Variants in SRGAP2 observed in about 807,000 individuals in gnomAD.
The protein encoded by SRGAP2 is SLIT-ROBO Rho GTPase-activating protein 2.
Under a neutral mutation model 57.2 loss-of-function variants are expected in SRGAP2, and 15 were observed. The observed-to-expected ratio is 0.26, with a 90% CI of 0.18 to 0.40. The LOEUF is 0.40. Among genes scored for constraint, SRGAP2 ranks in the 10% least tolerant of loss-of-function variants. The pLI is 1.00. For missense variants in SRGAP2, 520 were observed against 669.6 expected (o/e 0.78, Z 2.47); for synonymous variants, 249 against 248.0 (o/e 1.00, Z -0.04).
At chr1:206,306,849 C>T (rs1672237595) in intron 3 of SRGAP2, among the ~76,000 whole-genome samples, 1 of 151,962 alleles carries the variant, frequency 6.6e-6, no homozygotes, top group Non-Finnish European at 1.5e-5. Flanking sequence ...GTTTACAAAC[C>T]TTGAGCTAGA....
intron 4 of SRGAP2, among the ~76,000 whole-genome samples, chr1:206,372,931 CTT>C (rs1234710948): frequency 1.3e-4 from 1 of 7,528 alleles, no homozygotes. Context: ...TTCTTTCTTT[CTT>C]TCTTTCTTTC....
intron 21 of SRGAP2, chr1:206,458,254 A>G (rs1449782190): frequency 4.4e-6 from 2 of 450,274 alleles, no homozygotes; most frequent in Non-Finnish European, 8.8e-6. Context: ...TGATGGTGAG[A>G]CTTCTTCTCC....
intron 19 of SRGAP2, among the ~76,000 whole-genome samples, chr1:206,452,755 A>C (rs1452326488): frequency 2.0e-5 from 3 of 151,972 alleles, no homozygotes; most frequent in African/African-American, 7.3e-5. Flanking sequence ...GCGTGGTGGC[A>C]CACGTCTGTA....
chr1:206,436,854 A>G (rs1211812967), intron 14 of SRGAP2, 111 bp from the exon 15 acceptor site: 3 of 739,872 alleles, frequency 4.1e-6, no homozygotes, highest in African/African-American at 1.7e-5. Flanking sequence ...GAAGAGAGAC[A>G]GCGTGCTTAA....
chr1:206,402,265 C>G (rs1658262664), intron 8 of SRGAP2, among the ~76,000 whole-genome samples: 1 of 151,896 alleles, frequency 6.6e-6, no homozygotes, highest in East Asian at 1.9e-4. Flanking sequence ...AGATGCTATC[C>G]CAAAGGCCTG....
intron 2 of SRGAP2, among the ~76,000 whole-genome samples, chr1:206,239,975 A>T (rs1668109931): frequency 6.6e-6 from 1 of 151,576 alleles, no homozygotes; most frequent in Non-Finnish European, 1.5e-5. Flanking sequence ...CTTAAAAAGA[A>T]AGACATTGGG....
intron 2 of SRGAP2, among the ~76,000 whole-genome samples, chr1:206,296,317 G>T (rs1437164000): frequency 6.6e-6 from 1 of 150,392 alleles, no homozygotes; most frequent in Admixed American, 6.6e-5. Flanking sequence ...GAGGGCAGGG[G>T]TGGGATCAGT....
In SRGAP2 at chr1:206,221,196, T is replaced by C. The variant is rs1181816879; in HGVS notation, c.67+15159T>C. ...ACCTCATGATCCGCCTGCCTCAGCCTCCCAAAGTGCTGGGATTATAGGCAT... is the reference window on the plus strand; with the variant it reads ...ACCTCATGATCCGCCTGCCTCAGCCCCCCAAAGTGCTGGGATTATAGGCAT... On this transcript the variant is annotated intron_variant, in intron 2 of 22. Coordinates refer to ENST00000573034, the MANE Select transcript of SRGAP2 (RefSeq NM_015326.5). Among the ~76,000 whole-genome samples, 3 of 149,036 alleles carry C rather than the reference T, an allele frequency of 2.0e-5. 1 individual carries two copies. Among genetic ancestry groups the C allele is most frequent in the African/African-American group, 7.8e-5 (3 of 38,684 alleles).
chr1:206,291,471 C>T (rs1313214615), intron 2 of SRGAP2, among the ~76,000 whole-genome samples: 71 of 152,176 alleles, frequency 4.7e-4, no homozygotes, highest in African/African-American at 1.2e-3. Context: ...ATAATGAAAA[C>T]GACTTAGAGA....
intron 4 of SRGAP2, among the ~76,000 whole-genome samples, chr1:206,357,406 G>A (rs539462108): frequency 6.6e-6 from 1 of 150,982 alleles, no homozygotes; most frequent in African/African-American, 2.4e-5. Flanking sequence ...TTAAAAATGA[G>A]AGTTACATTA....
At chr1:206,420,069 A>C (rs1553363810) in intron 12 of SRGAP2, among the ~76,000 whole-genome samples, 2 of 152,170 alleles carry the variant, frequency 1.3e-5, no homozygotes, top group Non-Finnish European at 2.9e-5. Context: ...TCATTCATCC[A>C]GCAGTTCTCA....
intron 3 of SRGAP2, among the ~76,000 whole-genome samples, chr1:206,339,884 G>A (rs1323977914): frequency 6.6e-6 from 1 of 151,060 alleles, no homozygotes; most frequent in Non-Finnish European, 1.5e-5. Context: ...CTGCCTCCAG[G>A]GTTCAAGTGA....
chr1:206,231,273 T>G (rs1348165285), intron 2 of SRGAP2, among the ~76,000 whole-genome samples: 1 of 152,054 alleles, frequency 6.6e-6, no homozygotes, highest in Non-Finnish European at 1.5e-5. Flanking sequence ...ACTGGTAGCT[T>G]TATCTCTTTA....
At chr1:206,273,904 C>A (rs1670263200) in intron 2 of SRGAP2, among the ~76,000 whole-genome samples, 3 of 150,208 alleles carry the variant, frequency 2.0e-5, no homozygotes, top group Non-Finnish European at 4.4e-5. Context: ...AGGAGCTTTG[C>A]AGACTTCCCT....
At chr1:206,443,961 G>A (rs187645684) in intron 17 of SRGAP2, among the ~76,000 whole-genome samples, 132 of 152,156 alleles carry the variant, frequency 8.7e-4, no homozygotes, top group Non-Finnish European at 1.4e-3. Flanking sequence ...TGGCCAAGGC[G>A]GGTGGATCAC....
chr1:206,456,700 C>T (rs1663866655), intron 21 of SRGAP2, among the ~76,000 whole-genome samples: 1 of 152,166 alleles, frequency 6.6e-6, no homozygotes, highest in East Asian at 1.9e-4. Flanking sequence ...GGATGGGGTT[C>T]TTGGAGGACA....
At chr1:206,371,776 G>A (rs1654581880) in intron 4 of SRGAP2, among the ~76,000 whole-genome samples, 1 of 84,680 alleles carries the variant, frequency 1.2e-5, no homozygotes, top group South Asian at 4.2e-4. Context: ...AATAATCACT[G>A]TTAAAAACAA....
intron 13 of SRGAP2, among the ~76,000 whole-genome samples, chr1:206,427,457 G>A (rs797044418): frequency 3.3e-5 from 5 of 152,260 alleles, no homozygotes; most frequent in South Asian, 4.1e-4. Context: ...CGCTGCGACC[G>A]TCCTGACACC....
At chr1:206,371,331 G>T (rs1654528521) in intron 4 of SRGAP2, among the ~76,000 whole-genome samples, 1 of 150,674 alleles carries the variant, frequency 6.6e-6, no homozygotes, top group Admixed American at 6.6e-5. Flanking sequence ...CAGCAGACTT[G>T]CACTAAAAGA....
Sources: allele counts gnomAD v4.1 joint callset (sites outside exome capture counted in the v4.1 genomes callset), GRCh38; gene constraint gnomAD v4.1.1; transcripts MANE v1.5; gene names NCBI Gene and HGNC (gene_info 2026-07-23, HGNC 2026-07-21).